MAN1A1: variants seen among roughly 807,000 people sequenced by gnomAD.
MAN1A1 encodes mannosidase alpha class 1A member 1, also known as mannosyl-oligosaccharide 1,2-alpha-mannosidase IA.
In MAN1A1, 29 loss-of-function variants were observed where a neutral mutation model predicts 70.8. The ratio of observed to expected loss-of-function variants is 0.41; its 90% CI spans 0.31 to 0.56. The LOEUF is 0.56. Ranked by LOEUF, MAN1A1 falls within the 20% of genes least tolerant of loss-of-function variation. The pLI is 0.29. For synonymous variants in MAN1A1, 349 were observed against 330.1 expected (o/e 1.06, Z -0.62); for missense variants, 747 against 841.3 (o/e 0.89, Z 1.39).
chr6:119,295,811 A>C (rs1258269376), intron 4 of MAN1A1, among the ~76,000 whole-genome samples: 2 of 152,202 alleles, frequency 1.3e-5, no homozygotes, highest in East Asian at 3.8e-4. Flanking sequence ...ATGAGAATCA[A>C]GCAAGCTTTA....
chr6:119,316,309 C>G (rs1357070645), intron 2 of MAN1A1, among the ~76,000 whole-genome samples: 1 of 151,852 alleles, frequency 6.6e-6, no homozygotes. Context: ...TCCTGAGCAG[C>G]TGGAATTACA....
At chr6:119,204,659 G>T in intron 7 of MAN1A1, 100 bp downstream of exon 7, 1 of 1,388,070 alleles carries the variant, frequency 7.2e-7, no homozygotes, top group Non-Finnish European at 9.9e-7. Context: ...TAACAAATTT[G>T]GTTATTATTT....
intron 5 of MAN1A1, among the ~76,000 whole-genome samples, chr6:119,276,784 T>G (rs558621466): frequency 6.6e-6 from 1 of 152,312 alleles, no homozygotes; most frequent in African/African-American, 2.4e-5. Context: ...GGGTATTGTT[T>G]TGTCAATAAC....
intron 3 of MAN1A1, among the ~76,000 whole-genome samples, chr6:119,304,380 T>C (rs1377686871): frequency 6.6e-6 from 1 of 151,476 alleles, no homozygotes; most frequent in Admixed American, 6.6e-5. Flanking sequence ...CATATTTTCA[T>C]TGACATTTCA....
chr6:119,341,933 T>C (rs1217868732), intron 2 of MAN1A1, among the ~76,000 whole-genome samples: 1 of 152,138 alleles, frequency 6.6e-6, no homozygotes, highest in Non-Finnish European at 1.5e-5. Flanking sequence ...CCGGGAAATA[T>C]AGTGAGACCC....
At chr6:119,191,096 GATGGTAAGAAATAAATGAAC>G (rs970988017) in intron 9 of MAN1A1, among the ~76,000 whole-genome samples, 1 of 152,164 alleles carries the variant, frequency 6.6e-6, no homozygotes, top group African/African-American at 2.4e-5. Context: ...ATGAAACCAA[GATGGTAAGAAATAAATGAAC>G]ATATTACTGT....
intron 2 of MAN1A1, among the ~76,000 whole-genome samples, chr6:119,320,892 C>T (rs1200522352): frequency 6.6e-6 from 1 of 152,088 alleles, no homozygotes; most frequent in Non-Finnish European, 1.5e-5. Flanking sequence ...AATTACATAC[C>T]ACTCTGTTAA....
At chr6:119,193,614 T>C (rs562927043) in intron 9 of MAN1A1, among the ~76,000 whole-genome samples, 163 bp downstream of exon 9, 4 of 152,332 alleles carry the variant, frequency 2.6e-5, no homozygotes, top group Admixed American at 2.6e-4. Flanking sequence ...ACATCAAATA[T>C]GATTACCATT....
chr6:119,209,184 A>G (rs1368674058), intron 6 of MAN1A1, among the ~76,000 whole-genome samples: 2 of 152,178 alleles, frequency 1.3e-5, no homozygotes, highest in African/African-American at 4.8e-5. Context: ...TTATCATCAA[A>G]TGTACCAGAT....
At chr6:119,348,297 T>C (rs1203159307) in intron 2 of MAN1A1, among the ~76,000 whole-genome samples, 166 bp downstream of exon 2, 1 of 152,222 alleles carries the variant, frequency 6.6e-6, no homozygotes, top group African/African-American at 2.4e-5. Context: ...TACTACTATA[T>C]TGGAAACAGG....
intron 6 of MAN1A1, among the ~76,000 whole-genome samples, chr6:119,232,758 G>GC (rs1774723617): frequency 6.6e-6 from 1 of 150,482 alleles, no homozygotes; most frequent in South Asian, 2.1e-4. Flanking sequence ...AATTACAGAA[G>GC]CATAAGGCAC....
At chr6:119,189,962 A>G in intron 9 of MAN1A1, 79 bp from the exon 10 acceptor site, 1 of 1,086,146 alleles carries the variant, frequency 9.2e-7, no homozygotes, top group Non-Finnish European at 1.3e-6. Context: ...CATTAAAAAA[A>G]AAAGAATAGA....
rs1773811672 is a variant in MAN1A1, at chr6:119,348,718, G to C, written c.348C>G (p.Ala116=). 1 of 1,591,978 alleles carries C rather than the reference G, an allele frequency of 6.3e-7. No homozygotes were observed. The highest frequency in any genetic ancestry group is 1.4e-5 in the African/African-American group (1 of 73,094). The change falls in exon 2 of 13, where the codon GCC becomes GCG. Residue 116 remains alanine (A), a synonymous_variant. Transcript: ENST00000368468. The part of the protein sequence containing the change: ...EEGAPGDPEA[A]LEDNLARIRE... ...GGATCCTGGCCAAGTTGTCCTCCAG[G>C]GCGGCCTCCGGGTCCCCGGGTGCCC... is the stretch of plus-strand genomic sequence containing the variant.
intron 12 of MAN1A1, 59 bp downstream of exon 12, chr6:119,180,253 A>G (rs527529499): frequency 1.4e-5 from 16 of 1,135,612 alleles, no homozygotes; most frequent in Non-Finnish European, 2.0e-5. Flanking sequence ...TGATAAAGAC[A>G]TCTACAAAGA....
intron 5 of MAN1A1, among the ~76,000 whole-genome samples, chr6:119,275,137 GTC>G (rs1280791182): frequency 6.6e-6 from 1 of 151,662 alleles, no homozygotes; most frequent in East Asian, 1.9e-4. Context: ...TTGAGACAGA[GTC>G]TCACCCTGTT....
intron 11 of MAN1A1, 104 bp from the exon 12 acceptor site, chr6:119,180,531 T>C (rs1195733895): frequency 1.6e-6 from 1 of 630,102 alleles, no homozygotes; most frequent in Non-Finnish European, 2.8e-6. Context: ...TTTTTTTTTT[T>C]GAGACAGGGC....
At chr6:119,216,274 T>C (rs1014050384) in intron 6 of MAN1A1, among the ~76,000 whole-genome samples, 5 of 152,172 alleles carry the variant, frequency 3.3e-5, no homozygotes, top group Admixed American at 2.0e-4. Context: ...ATAGGTTACA[T>C]AAAAGGAGGA....
At chr6:119,204,948 C>CTGTCTATTTCATGTCTGCTATTT in intron 6 of MAN1A1, 66 bp from the exon 7 acceptor site, 1 of 1,550,094 alleles carries the variant, frequency 6.5e-7, no homozygotes, top group Non-Finnish European at 8.8e-7. Flanking sequence ...ATCTAAATAG[C>CTGTCTATTTCATGTCTGCTATTT]AGACATGAAA....
At chr6:119,188,068 T>A (rs1214679404) in intron 11 of MAN1A1, among the ~76,000 whole-genome samples, 1 of 152,194 alleles carries the variant, frequency 6.6e-6, no homozygotes, top group Non-Finnish European at 1.5e-5. Context: ...TTTATTGAAA[T>A]AGAGGTGAAT....
Sources: allele counts gnomAD v4.1 joint callset (sites outside exome capture counted in the v4.1 genomes callset), GRCh38; gene constraint gnomAD v4.1.1; transcripts MANE v1.5; gene names NCBI Gene and HGNC (gene_info 2026-07-23, HGNC 2026-07-21).